THSD7A: variants seen among roughly 807,000 people sequenced by gnomAD.
The protein encoded by THSD7A is thrombospondin type-1 domain-containing protein 7A.
A neutral mutation model predicts 231.3 loss-of-function variants in THSD7A; 96 were observed. The ratio of observed to expected loss-of-function variants is 0.41; its 90% confidence interval spans 0.35 to 0.49. THSD7A has a LOEUF of 0.49. THSD7A is among the 20% of genes least tolerant of loss of function. THSD7A has a pLI of 0.05. For synonymous variants in THSD7A, 940 were observed against 743.3 expected (o/e 1.26, Z -4.30); for missense variants, 2,290 against 2,070.2 (o/e 1.11, Z -2.06).
chr7:11,435,681 C>T (rs1211198190), intron 13 of THSD7A, among the ~76,000 whole-genome samples: 1 of 151,718 alleles, frequency 6.6e-6, no homozygotes, highest in Non-Finnish European at 1.5e-5. Context: ...GCTACCTGTC[C>T]TTTCGAGCTG....
chr7:11,541,289 G>A, intron 6 of THSD7A, 130 bp downstream of exon 6: 5 of 861,648 alleles, frequency 5.8e-6, no homozygotes, highest in South Asian at 1.5e-5. Flanking sequence ...GAGGGAGAGA[G>A]AAGCAGCTAT....
chr7:11,414,718 C>T (rs1262162577), intron 17 of THSD7A, among the ~76,000 whole-genome samples: 4 of 152,174 alleles, frequency 2.6e-5, no homozygotes, highest in Admixed American at 2.6e-4. Flanking sequence ...AGGAACAAGC[C>T]TCCATGGACT....
intron 6 of THSD7A, among the ~76,000 whole-genome samples, chr7:11,504,170 G>A (rs143551748): frequency 9.1e-4 from 139 of 152,278 alleles, no homozygotes; most frequent in African/African-American, 3.2e-3. Flanking sequence ...GAACACGGAT[G>A]GAGCTGGAGG....
intron 2 of THSD7A, among the ~76,000 whole-genome samples, chr7:11,595,654 C>T (rs570424981): frequency 6.0e-4 from 92 of 152,280 alleles, no homozygotes; most frequent in Middle Eastern, 3.4e-3. Context: ...AGAATACATA[C>T]CCTTGACCAA....
chr7:11,503,838 G>A (rs1359991771), intron 6 of THSD7A, among the ~76,000 whole-genome samples: 1 of 152,130 alleles, frequency 6.6e-6, no homozygotes, highest in African/African-American at 2.4e-5. Flanking sequence ...CAGAGAAAAG[G>A]AAATGCTTAT....
chr7:11,541,058 A>G (rs561962226), intron 6 of THSD7A, among the ~76,000 whole-genome samples: 9 of 152,220 alleles, frequency 5.9e-5, no homozygotes, highest in South Asian at 2.1e-4. Flanking sequence ...TTCATTTTCT[A>G]TAACACTGGA....
chr7:11,387,542 T>G (rs1352179392), intron 23 of THSD7A, among the ~76,000 whole-genome samples: 1 of 152,190 alleles, frequency 6.6e-6, no homozygotes, highest in Non-Finnish European at 1.5e-5. Flanking sequence ...TGCTTGTGAT[T>G]TTTGCACATT....
At position 11,543,021 on chromosome 7, in the gene THSD7A, G is replaced by A. The variant is rs368997036; in HGVS notation, c.1550C>T (p.Pro517Leu). 1 of 1,613,754 alleles carries A rather than the reference G, an allele frequency of 6.2e-7. No individual in the cohort carries two copies. The highest frequency in any genetic ancestry group is 8.5e-7 in the Non-Finnish European group (1 of 1,179,830). Residue 517 changes from proline to leucine, a missense_variant, in exon 5 of 28, where the codon CCT becomes CTT. Physicochemically the swap from Pro to Leu is moderately conservative, Grantham distance 98. Coordinates refer to ENST00000423059, the MANE Select transcript of THSD7A (RefSeq NM_015204.3). ...IPCPTECEVS[P>L]WSAWGPCTYE... The stretch of plus-strand genomic sequence containing the variant: ...AGTACAAGGTCCCCAAGCTGACCAA[G>A]GTGAAACTTCACATTCAGTTGGACA...
rs534182104 is a variant in THSD7A, at chr7:11,705,285, TA to T, written c.191-68325del. Among the ~76,000 whole-genome samples, 51 of 151,118 alleles carry T rather than the reference TA, an allele frequency of 3.4e-4. 1 individual carries two copies. In the South Asian group the frequency reaches 0.01, roughly 31 times the overall value. ...GAGTCCCAGAAACAGTTAAATAACT[TA>T]AAAGCAAGAGTAAGTTACCTAGGTA... On this transcript the variant is annotated intron_variant, in intron 1 of 27. Transcript: ENST00000423059.
At chr7:11,513,743 C>T (rs1787913959) in intron 6 of THSD7A, among the ~76,000 whole-genome samples, 1 of 152,120 alleles carries the variant, frequency 6.6e-6, no homozygotes, top group African/African-American at 2.4e-5. Context: ...TATGGATATA[C>T]TAAATGCCAC....
intron 1 of THSD7A, among the ~76,000 whole-genome samples, chr7:11,676,005 T>C (rs1424434473): frequency 6.6e-6 from 1 of 152,116 alleles, no homozygotes; most frequent in Non-Finnish European, 1.5e-5. Flanking sequence ...AGACACCTCA[T>C]ACAAGAGAGC....
chr7:11,420,504 C>T (rs1784107861), intron 16 of THSD7A, among the ~76,000 whole-genome samples: 1 of 152,216 alleles, frequency 6.6e-6, no homozygotes, highest in South Asian at 2.1e-4. Context: ...AGCCTCCACC[C>T]GGATTTCAGA....
In THSD7A at chr7:11,634,327, T is replaced by C. The variant is rs1227693421; in HGVS notation, c.1022+1803A>G. Among the ~76,000 whole-genome samples, 1 of 152,170 alleles carries C rather than the reference T, an allele frequency of 6.6e-6. No homozygotes were observed. Among genetic ancestry groups the C allele is most frequent in the African/African-American group, 2.4e-5 (1 of 41,456 alleles). On this transcript the variant is annotated intron_variant, in intron 2 of 27. Coordinates refer to ENST00000423059, the MANE Select transcript of THSD7A (RefSeq NM_015204.3). The surrounding 1 kb of genome is among the most constrained non-coding windows in gnomAD (Gnocchi z 4.1). ...ACAACTGGATGAGAATATTAGGCTC[T>C]ATGCAATGGTAGCTACTAACCTAAT...
intron 1 of THSD7A, chr7:11,820,505 T>A: frequency 1.1e-6 from 1 of 871,998 alleles, no homozygotes; most frequent in Non-Finnish European, 1.7e-6. Context: ...TGCTTTTGGG[T>A]GTGTAATCTA....
chr7:11,665,038 C>T (rs1447522198), intron 1 of THSD7A, among the ~76,000 whole-genome samples: 2 of 151,994 alleles, frequency 1.3e-5, no homozygotes, highest in Admixed American at 6.6e-5. Context: ...CCACAGGTAA[C>T]ACAGCATCAA....
At chr7:11,396,923 C>T (rs1473087689) in intron 23 of THSD7A, among the ~76,000 whole-genome samples, 2 of 152,136 alleles carry the variant, frequency 1.3e-5, no homozygotes, top group African/African-American at 4.8e-5. Flanking sequence ...CATCAAAAAG[C>T]TTATCCACCA....
chr7:11,751,809 C>A (rs931101739), intron 1 of THSD7A, among the ~76,000 whole-genome samples: 2 of 152,076 alleles, frequency 1.3e-5, no homozygotes, highest in Non-Finnish European at 2.9e-5. Context: ...GATAACCCAA[C>A]CCCTGGTATT....
intron 6 of THSD7A, among the ~76,000 whole-genome samples, chr7:11,512,465 G>T (rs556504199): frequency 1.2e-4 from 19 of 152,084 alleles, no homozygotes; most frequent in Non-Finnish European, 2.8e-4. Flanking sequence ...AAATCATGCT[G>T]CTATAAAGAC....
intron 1 of THSD7A, among the ~76,000 whole-genome samples, chr7:11,682,042 C>T (rs927222814): frequency 1.3e-5 from 2 of 151,940 alleles, no homozygotes; most frequent in African/African-American, 4.8e-5. Context: ...AGTCTTTTCT[C>T]AATAAGCAAT....
Sources: gnomAD v4.1 joint callset for allele counts (sites outside exome capture counted in the v4.1 genomes callset) on GRCh38, gnomAD v4.1.1 for gene constraint, Gnocchi (gnomAD v3.1) non-coding constraint, MANE v1.5 for transcripts, NCBI Gene and HGNC (gene_info 2026-07-23, HGNC 2026-07-21) for gene names.